RPS6KC1: variants seen among roughly 807,000 people sequenced by gnomAD.
The protein encoded by RPS6KC1 is ribosomal protein S6 kinase C1.
In RPS6KC1, 54 loss-of-function variants were observed where a neutral mutation model predicts 103.8. The observed-to-expected ratio is 0.52, with a 90% confidence interval of 0.42 to 0.65. RPS6KC1 has a LOEUF of 0.65. Ranked by LOEUF, RPS6KC1 falls within the 30% of genes least tolerant of loss-of-function variation. The pLI is 0.00. For missense variants in RPS6KC1, 1,151 were observed against 1,253.8 expected (o/e 0.92, Z 1.24); for synonymous variants, 439 against 438.7 (o/e 1.00, Z -0.01).
intron 8 of RPS6KC1, among the ~76,000 whole-genome samples, chr1:213,177,314 T>G (rs1406658204): frequency 6.6e-6 from 1 of 152,240 alleles, no homozygotes; most frequent in Non-Finnish European, 1.5e-5. Flanking sequence ...AATAAAATGC[T>G]TTATTTAATA....
the RPS6KC1 span, among the ~76,000 whole-genome samples, chr1:213,676,038 C>T: frequency 6.6e-6 from 1 of 152,180 alleles, no homozygotes; most frequent in African/African-American, 2.4e-5. Flanking sequence ...TTCCACTTCC[C>T]TTCCTCTGGA....
At chr1:213,208,090 T>C (rs907241950) in intron 8 of RPS6KC1, among the ~76,000 whole-genome samples, 1 of 152,164 alleles carries the variant, frequency 6.6e-6, no homozygotes, top group Non-Finnish European at 1.5e-5. Flanking sequence ...TGTTACTTTT[T>C]CCCCCATTTG....
At chr1:213,566,456 T>TGGA in the RPS6KC1 span, among the ~76,000 whole-genome samples, 2 of 29,864 alleles carry the variant, frequency 6.7e-5, no homozygotes, top group Non-Finnish European at 1.2e-4. Context: ...TTTTTTTTTT[T>TGGA]TTTTTTTTTT....
At chr1:213,270,930 C>T (rs146074760) in intron 14 of RPS6KC1, among the ~76,000 whole-genome samples, 1 of 152,166 alleles carries the variant, frequency 6.6e-6, no homozygotes, top group African/African-American at 2.4e-5. Flanking sequence ...AATGACAGTA[C>T]CAAGAGCTGA....
the RPS6KC1 span, among the ~76,000 whole-genome samples, chr1:213,490,493 T>G: frequency 2.6e-5 from 4 of 152,096 alleles, no homozygotes; most frequent in Non-Finnish European, 5.9e-5. Context: ...TTTCCTCTGC[T>G]TGGACATCCA....
At chr1:213,483,735 G>A in the RPS6KC1 span, among the ~76,000 whole-genome samples, 1 of 152,170 alleles carries the variant, frequency 6.6e-6, no homozygotes, top group Non-Finnish European at 1.5e-5. Flanking sequence ...TACAGTGGAT[G>A]CAGCTCCTAG....
At position 213,241,158 on chromosome 1, in the gene RPS6KC1, C is replaced by G. The variant is rs17020314; in HGVS notation, c.1682C>G (p.Pro561Arg). Residue 561 changes from proline to arginine, a missense_variant, in exon 11 of 15, where the codon CCC becomes CGC. This residue lies in a region of RPS6KC1 where 959 missense variants were observed against 1,006.3 expected (regional missense o/e 0.95). Transcript: ENST00000366960. ...PAHLAADSDS[P>R]STQLRAHELK... is the part of the protein sequence containing the mutation. ...CACCTTGCTGCTGACAGTGACAGCC[C>G]CAGCACACAGCTGAGAGCTCACGAG... 856 of 1,613,838 alleles carry G rather than the reference C, an allele frequency of 5.3e-4. 7 individuals carry two copies. The African/African-American group carries it at 0.01, about 19-fold the overall frequency.
chr1:213,154,586 C>G (rs1016209254), intron 6 of RPS6KC1, among the ~76,000 whole-genome samples: 9 of 152,190 alleles, frequency 5.9e-5, no homozygotes, highest in Non-Finnish European at 1.3e-4. Context: ...CTCTTAAGTC[C>G]CAGGATCTCT....
the RPS6KC1 span, among the ~76,000 whole-genome samples, chr1:213,728,994 A>AG: frequency 1.6e-5 from 2 of 125,794 alleles, no homozygotes; most frequent in African/African-American, 6.1e-5. Flanking sequence ...GACACAGGGC[A>AG]GGGTAAGCAC....
the RPS6KC1 span, among the ~76,000 whole-genome samples, chr1:213,788,489 GCAAAACCCACCGAAAA>G: frequency 6.6e-6 from 1 of 151,946 alleles, no homozygotes; most frequent in African/African-American, 2.4e-5. Context: ...TATGAAAAAA[GCAAAACCCACCGAAAA>G]CAAAACCACA....
At chr1:213,505,648 T>C in the RPS6KC1 span, among the ~76,000 whole-genome samples, 6 of 152,184 alleles carry the variant, frequency 3.9e-5, no homozygotes, top group African/African-American at 1.2e-4. Context: ...ATGGGCCAGA[T>C]GCTGTTAGAG....
At chr1:213,534,346 T>C in the RPS6KC1 span, among the ~76,000 whole-genome samples, 1 of 152,252 alleles carries the variant, frequency 6.6e-6, no homozygotes, top group Non-Finnish European at 1.5e-5. Context: ...GTTTAGTATG[T>C]GCTAGGGAGT....
At chr1:213,107,949 AC>A (rs2148811948) in intron 4 of RPS6KC1, among the ~76,000 whole-genome samples, 1 of 152,250 alleles carries the variant, frequency 6.6e-6, no homozygotes, top group East Asian at 1.9e-4. Context: ...ATTAAAATCT[AC>A]CCATTTTTTT....
intron 8 of RPS6KC1, chr1:213,205,149 A>C (rs2093300036): frequency 1.7e-6 from 1 of 589,898 alleles, no homozygotes. Flanking sequence ...TAATCCATTA[A>C]ATTTTTACCT....
At chr1:213,750,966 G>A in the RPS6KC1 span, among the ~76,000 whole-genome samples, 1 of 152,190 alleles carries the variant, frequency 6.6e-6, no homozygotes, top group Admixed American at 6.5e-5. Context: ...AAGAACTATA[G>A]TAAGTGAAGG....
At chr1:213,267,285 A>C (rs982304189) in intron 14 of RPS6KC1, among the ~76,000 whole-genome samples, 2 of 151,940 alleles carry the variant, frequency 1.3e-5, no homozygotes, top group African/African-American at 4.8e-5. Context: ...CGAGAAAGCC[A>C]ACTTTAAAAA....
chr1:213,138,402 G>A (rs1572771305), intron 6 of RPS6KC1, among the ~76,000 whole-genome samples: 1 of 151,862 alleles, frequency 6.6e-6, no homozygotes, highest in Non-Finnish European at 1.5e-5. Context: ...GTGCAGGTTC[G>A]TTACATAGGT....
chr1:213,846,120 G>A, the RPS6KC1 span, among the ~76,000 whole-genome samples: 1 of 140,912 alleles, frequency 7.1e-6, no homozygotes, highest in Non-Finnish European at 1.5e-5. Flanking sequence ...GTGAAACCCC[G>A]TCTCAACTAA....
chr1:213,435,657 C>T, the RPS6KC1 span, among the ~76,000 whole-genome samples: 2 of 152,190 alleles, frequency 1.3e-5, no homozygotes, highest in East Asian at 3.8e-4. Context: ...TCCAATTTGG[C>T]TGGTGGGAAC....
Sources: gnomAD v4.1 joint callset for allele counts (sites outside exome capture counted in the v4.1 genomes callset) on GRCh38, gnomAD v4.1.1 for gene constraint, gnomAD v4.1.1 regional missense constraint, MANE v1.5 for transcripts, NCBI Gene and HGNC (gene_info 2026-07-23, HGNC 2026-07-21) for gene names.